The following MAP2 variants were observed in gnomAD, a reference collection of about 807,000 sequenced individuals.
MAP2 encodes the protein microtubule-associated protein 2.
A neutral mutation model predicts 137.6 loss-of-function variants in MAP2; 14 were observed. The ratio of observed to expected loss-of-function variants is 0.10; its 90% CI spans 0.07 to 0.16. The LOEUF is 0.16. Among genes scored for constraint, MAP2 ranks in the 10% least tolerant of loss-of-function variants. The pLI is 1.00. For synonymous variants in MAP2, 786 were observed against 782.3 expected (o/e 1.00, Z -0.08); for missense variants, 2,088 against 2,191.5 (o/e 0.95, Z 0.94).
At chr2:209,454,366 GCT>G (rs1439161360) in intron 1 of MAP2, among the ~76,000 whole-genome samples, 2 of 151,840 alleles carry the variant, frequency 1.3e-5, no homozygotes, top group African/African-American at 4.8e-5. Flanking sequence ...ATGGAGTCTC[GCT>G]CTGTCACCCA....
At chr2:209,500,559 A>G (rs1292615484) in intron 1 of MAP2, among the ~76,000 whole-genome samples, 6 of 152,124 alleles carry the variant, frequency 3.9e-5, no homozygotes, top group Admixed American at 3.9e-4. Flanking sequence ...TGATCTCCCA[A>G]AAGCCCTGTT....
chr2:209,468,291 T>C (rs1704658817), intron 1 of MAP2, among the ~76,000 whole-genome samples: 4 of 149,938 alleles, frequency 2.7e-5, no homozygotes, highest in South Asian at 2.1e-4. Context: ...AAAAGTCTCA[T>C]GGAGGATTTT....
intron 1 of MAP2, among the ~76,000 whole-genome samples, chr2:209,430,024 T>G (rs1693815977): frequency 6.6e-6 from 1 of 151,992 alleles, no homozygotes; most frequent in Non-Finnish European, 1.5e-5. Context: ...TCTACCTTTT[T>G]GAGCAAAATA....
intron 2 of MAP2, among the ~76,000 whole-genome samples, chr2:209,538,702 G>A (rs941722378): frequency 6.6e-6 from 1 of 151,932 alleles, no homozygotes; most frequent in Non-Finnish European, 1.5e-5. Flanking sequence ...TTCTGCCTCT[G>A]CAGTTAATAA....
chr2:209,672,800 C>CG (rs912755533), intron 5 of MAP2, among the ~76,000 whole-genome samples: 2 of 151,782 alleles, frequency 1.3e-5, no homozygotes, highest in African/African-American at 4.8e-5. Context: ...TGCTTAATAA[C>CG]GTTGTATAAC....
intron 1 of MAP2, among the ~76,000 whole-genome samples, chr2:209,435,987 A>AT: frequency 2.2e-5 from 2 of 88,918 alleles, no homozygotes; most frequent in South Asian, 5.9e-4. Flanking sequence ...TATACAGTAT[A>AT]TATTATATAC....
chr2:209,648,662 A>G (rs948344832), intron 4 of MAP2, among the ~76,000 whole-genome samples: 7 of 142,408 alleles, frequency 4.9e-5, no homozygotes, highest in Non-Finnish European at 1.1e-4. Context: ...GTTGGCGGGC[A>G]CCTGTAATCC....
At chr2:209,605,913 G>A (rs1165053660) in intron 3 of MAP2, among the ~76,000 whole-genome samples, 1 of 152,088 alleles carries the variant, frequency 6.6e-6, no homozygotes, top group Non-Finnish European at 1.5e-5. Flanking sequence ...TCAGATATTA[G>A]CATCTTCTGA....
At chr2:209,611,610 G>A (rs1422654232) in intron 3 of MAP2, among the ~76,000 whole-genome samples, 1 of 151,988 alleles carries the variant, frequency 6.6e-6, no homozygotes, top group African/African-American at 2.4e-5. Flanking sequence ...GTTACCTACT[G>A]CTAGTTCCGT....
intron 13 of MAP2, among the ~76,000 whole-genome samples, chr2:209,712,214 ATTT>A (rs1456101246): frequency 6.6e-6 from 1 of 152,076 alleles, no homozygotes; most frequent in Admixed American, 6.6e-5. Flanking sequence ...GGTTTGGAGT[ATTT>A]TTATGTCTTA....
At chr2:209,430,300 A>G (rs1693906385) in intron 1 of MAP2, among the ~76,000 whole-genome samples, 1 of 151,820 alleles carries the variant, frequency 6.6e-6, no homozygotes, top group African/African-American at 2.4e-5. Context: ...TAATACTTGT[A>G]ACAACTTCTC....
At chr2:209,587,883 G>A (rs774937763) in intron 3 of MAP2, among the ~76,000 whole-genome samples, 1 of 152,142 alleles carries the variant, frequency 6.6e-6, no homozygotes, top group Non-Finnish European at 1.5e-5. Context: ...ATAGGCATGA[G>A]CAATGTCCTT....
intron 5 of MAP2, among the ~76,000 whole-genome samples, chr2:209,669,242 G>A (rs1341949557): frequency 6.6e-6 from 1 of 152,056 alleles, no homozygotes; most frequent in African/African-American, 2.4e-5. Flanking sequence ...AGGTTTAAGT[G>A]AAATCTGATT....
At chr2:209,622,400 C>G (rs1163351776) in intron 3 of MAP2, among the ~76,000 whole-genome samples, 1 of 152,158 alleles carries the variant, frequency 6.6e-6, no homozygotes, top group Non-Finnish European at 1.5e-5. Flanking sequence ...GATTTGGGCA[C>G]TTTCTAGCCT....
chr2:209,484,968 G>T (rs1184936100), intron 1 of MAP2, among the ~76,000 whole-genome samples: 2 of 152,166 alleles, frequency 1.3e-5, no homozygotes, highest in Non-Finnish European at 2.9e-5. Context: ...ATAGAAACGC[G>T]ATAGCAGTTG....
intron 2 of MAP2, among the ~76,000 whole-genome samples, chr2:209,567,242 C>T (rs2073637771): frequency 6.6e-6 from 1 of 151,970 alleles, no homozygotes; most frequent in Admixed American, 6.6e-5. Context: ...AGGAGCCTAC[C>T]AGATATTAGA....
intron 11 of MAP2, chr2:209,704,673 GT>G: frequency 6.7e-7 from 1 of 1,482,054 alleles, no homozygotes; most frequent in East Asian, 2.4e-5. Flanking sequence ...TTGGGAGAAG[GT>G]TATGTTATAG....
chr2:209,678,505 T>C, intron 5 of MAP2, 67 bp from the exon 6 acceptor site: 1 of 761,764 alleles, frequency 1.3e-6, no homozygotes, highest in Non-Finnish European at 2.1e-6. Flanking sequence ...TACTGTTTGG[T>C]TACTTTTCCT....
At chr2:209,483,581 T>A (rs1296388791) in intron 1 of MAP2, among the ~76,000 whole-genome samples, 1 of 152,218 alleles carries the variant, frequency 6.6e-6, no homozygotes, top group African/African-American at 2.4e-5. Context: ...CTCTTAAAAA[T>A]TTTTAATTTA....
Sources: allele counts gnomAD v4.1 joint callset (sites outside exome capture counted in the v4.1 genomes callset), GRCh38; gene constraint gnomAD v4.1.1; transcripts MANE v1.5; gene names NCBI Gene and HGNC (gene_info 2026-07-23, HGNC 2026-07-21).